The following IMPA2 variants were observed in gnomAD, a reference collection of about 807,000 sequenced individuals.
IMPA2 encodes IMP 2.
A neutral mutation model predicts 35.1 loss-of-function variants in IMPA2; 32 were observed. The observed-to-expected ratio is 0.91, with a 90% CI of 0.69 to 1.23. The LOEUF (loss-of-function observed/expected upper bound fraction) is 1.23, where lower values mean the gene tolerates loss of function less well. Ranked by LOEUF, IMPA2 falls within the 50% of genes most tolerant of loss-of-function variation. The probability of loss-of-function intolerance (pLI) is 0.00; values close to 1 mark genes in which losing one functional copy is unlikely to be tolerated. For synonymous variants in IMPA2, 135 were observed against 160.6 expected (o/e 0.84, Z 1.20); for missense variants, 334 against 387.6 (o/e 0.86, Z 1.16).
At chr18:11,990,358 A>AGGT in intron 1 of IMPA2, among the ~76,000 whole-genome samples, 1 of 151,622 alleles carries the variant, frequency 6.6e-6, no homozygotes, top group East Asian at 2.0e-4. Flanking sequence ...TGTCTTTAGA[A>AGGT]AAAAAGCAGG....
intron 2 of IMPA2, among the ~76,000 whole-genome samples, chr18:12,006,277 A>G (rs1907245163): frequency 6.6e-6 from 1 of 152,112 alleles, no homozygotes; most frequent in African/African-American, 2.4e-5. Context: ...GCTTCTACCC[A>G]CCATTTTTCC....
intron 1 of IMPA2, among the ~76,000 whole-genome samples, chr18:11,992,395 C>T (rs1906842148): frequency 6.6e-6 from 1 of 152,202 alleles, no homozygotes; most frequent in Non-Finnish European, 1.5e-5. Flanking sequence ...GGCCTGGGTT[C>T]CAGAGCACAT....
In IMPA2 at chr18:12,016,408, A is replaced by G. The variant is rs576736131; in HGVS notation, c.490+2035A>G. 7.4e-5 allele frequency among the ~76,000 whole-genome samples: 11 copies of G among 148,882 alleles called. No homozygotes were observed. In the South Asian group the frequency reaches 1.9e-3, roughly 26 times the overall value. On this transcript the variant is annotated intron_variant, in intron 5 of 7. Coordinates refer to ENST00000269159, the MANE Select transcript of IMPA2 (RefSeq NM_014214.3). ...CTTGGCACCATGCAGACCCAATTTC[A>G]GATCCTGATTCTGCCGCTTTTTTTT...
chr18:11,981,625 T>C lies in IMPA2; in HGVS notation c.-45T>C. ...CGGCGGGATCCGGTGGGAGCCGGAG[T>C]CCCGCCGAGGGGGGCTGGAGGTGGA... On this transcript the variant is annotated 5_prime_UTR_variant, in exon 1 of 8. Coordinates refer to ENST00000269159, the MANE Select transcript of IMPA2 (RefSeq NM_014214.3). The C allele has an allele frequency of 8.4e-7, 1 of 1,184,146 alleles. No homozygotes were observed. Among genetic ancestry groups the C allele is most frequent in the East Asian group, 3.3e-5 (1 of 30,564 alleles). 73.4% of individuals were successfully genotyped at this position (1,184,146 alleles called of 1,614,324 possible).
chr18:12,020,810 G>A (rs1447027156), intron 5 of IMPA2, among the ~76,000 whole-genome samples: 2 of 151,960 alleles, frequency 1.3e-5, no homozygotes, highest in Non-Finnish European at 2.9e-5. Context: ...TTTGGATTAT[G>A]CTCTTTTTTC....
At chr18:12,005,969 C>A (rs750071013) in intron 2 of IMPA2, among the ~76,000 whole-genome samples, 1 of 152,304 alleles carries the variant, frequency 6.6e-6, no homozygotes, top group African/African-American at 2.4e-5. Flanking sequence ...CATATCTGTT[C>A]GCTGCTTTGT....
At chr18:11,985,913 T>TGG (rs987166623) in intron 1 of IMPA2, among the ~76,000 whole-genome samples, 7 of 152,350 alleles carry the variant, frequency 4.6e-5, no homozygotes, top group African/African-American at 1.7e-4. Flanking sequence ...AAGGACAGTT[T>TGG]AAGTGGAAAG....
intron 5 of IMPA2, chr18:12,018,374 T>C (rs1907639661): frequency 6.6e-6 from 1 of 152,382 alleles, no homozygotes; most frequent in Admixed American, 6.5e-5. Flanking sequence ...CTCATTGGGA[T>C]AGCACCCAGC....
At chr18:12,019,420 ATTT>A (rs1023606644) in intron 5 of IMPA2, among the ~76,000 whole-genome samples, 2 of 133,100 alleles carry the variant, frequency 1.5e-5, no homozygotes, top group East Asian at 2.2e-4. Context: ...TGTCCGGCTA[ATTT>A]TTTTTTTTTT....
chr18:12,025,768 C>T (rs1435127191), intron 5 of IMPA2, among the ~76,000 whole-genome samples: 2 of 151,998 alleles, frequency 1.3e-5, no homozygotes, highest in Non-Finnish European at 2.9e-5. Context: ...TTAATAGAGA[C>T]GGGGTTTCAC....
At chr18:12,012,426 C>T in intron 4 of IMPA2, 1 of 578,446 alleles carries the variant, frequency 1.7e-6, no homozygotes. Flanking sequence ...GTGGCTGGCC[C>T]TTGTCCCCCG....
chr18:11,981,632 G>A lies in IMPA2; in HGVS notation c.-38G>A, dbSNP rs981593291. The A allele has an allele frequency of 3.3e-6, 4 of 1,212,738 alleles. No individual in the cohort carries two copies. Among genetic ancestry groups the A allele is most frequent in the Non-Finnish European group, 4.1e-6 (4 of 971,750 alleles). The allele number at this position is 1,212,738 out of a possible 1,614,324, so 75.1% of individuals were successfully genotyped here. ...ATCCGGTGGGAGCCGGAGTCCCGCCGAGGGGGGCTGGAGGTGGAGGGGCCC... is the reference window on the plus strand; with the variant it reads ...ATCCGGTGGGAGCCGGAGTCCCGCCAAGGGGGGCTGGAGGTGGAGGGGCCC... On this transcript the variant is annotated 5_prime_UTR_variant, in exon 1 of 8. Transcript: ENST00000269159.
intron 5 of IMPA2, among the ~76,000 whole-genome samples, chr18:12,025,906 T>C (rs1178958677): frequency 6.6e-6 from 1 of 152,250 alleles, no homozygotes; most frequent in South Asian, 2.1e-4. Context: ...TGAGGACATA[T>C]GATGTGGAGC....
Position 12,014,384 on chromosome 18 carries a change from C to A in IMPA2, c.490+11C>A. On this transcript the variant is annotated intron_variant, in intron 5 of 7. Coordinates refer to ENST00000269159, the MANE Select transcript of IMPA2 (RefSeq NM_014214.3). ...TCTCCGGGGAGACAGGTGGGCTTCACAACGCTCGTCTCAGTTTACTTCTGA... is the reference window on the plus strand; with the variant it reads ...TCTCCGGGGAGACAGGTGGGCTTCAAAACGCTCGTCTCAGTTTACTTCTGA... The A allele has an allele frequency of 1.3e-6, 2 of 1,501,334 alleles. No homozygotes were observed. Among genetic ancestry groups the A allele is most frequent in the Non-Finnish European group, 1.8e-6 (2 of 1,099,942 alleles). 93.0% of individuals were successfully genotyped at this position (1,501,334 alleles called of 1,614,324 possible).
intron 2 of IMPA2, among the ~76,000 whole-genome samples, chr18:12,005,648 C>T (rs1907227657): frequency 6.6e-6 from 1 of 152,208 alleles, no homozygotes; most frequent in Admixed American, 6.5e-5. Context: ...TTGGTGACTT[C>T]CCTAAAGGGT....
Position 12,010,058 on chromosome 18 carries a change from A to C in IMPA2, c.335+71A>C, listed in dbSNP as rs1487828859. 1 of 1,201,606 alleles carries C rather than the reference A, an allele frequency of 8.3e-7. No individual in the cohort carries two copies. The highest frequency in any genetic ancestry group is 1.5e-5 in the African/African-American group (1 of 66,990). The allele number at this position is 1,201,606 out of a possible 1,614,324, so 74.4% of individuals were successfully genotyped here. On this transcript the variant is annotated intron_variant, in intron 3 of 7. Transcript: ENST00000269159. The surrounding 1 kb of genome is among the most constrained non-coding windows in gnomAD (Gnocchi z 4.8). ...TCTTCTGTGAGGTTTTGTCTTTTCA[A>C]AAGCAGCATTTTTTAAGGCAGGAAT... is the stretch of plus-strand genomic sequence containing the variant.
At chr18:12,004,863 A>C (rs569531913) in intron 2 of IMPA2, among the ~76,000 whole-genome samples, 6 of 152,158 alleles carry the variant, frequency 3.9e-5, no homozygotes, top group Non-Finnish European at 8.8e-5. Flanking sequence ...AGTGGCTTTT[A>C]GGAAGGTCTT....
chr18:11,989,019 G>T (rs62099888), intron 1 of IMPA2, among the ~76,000 whole-genome samples: 9,088 of 152,114 alleles, frequency 0.06, 362 homozygotes, highest in Non-Finnish European at 0.088. Flanking sequence ...GTACAGACGG[G>T]GTTTCACTAA....
chr18:12,028,751 G>T lies in IMPA2; in HGVS notation c.600-91G>T, dbSNP rs2143829732. ...TGCTTCATTTTTCACTAGGGAAAAT[G>T]CCCAGCCGGGGTACCTGGCTGAAGT... On this transcript the variant is annotated intron_variant, in intron 6 of 7. Coordinates refer to ENST00000269159, the MANE Select transcript of IMPA2 (RefSeq NM_014214.3). 6 of 1,408,178 alleles carry T rather than the reference G, an allele frequency of 4.3e-6. No homozygotes were observed. The East Asian group carries it at 9.4e-5, about 22-fold the overall frequency. 87.2% of individuals were successfully genotyped at this position (1,408,178 alleles called of 1,614,324 possible).
Sources: allele counts gnomAD v4.1 joint callset (sites outside exome capture counted in the v4.1 genomes callset), GRCh38; gene constraint gnomAD v4.1.1; non-coding constraint Gnocchi (gnomAD v3.1); transcripts MANE v1.5; gene names NCBI Gene and HGNC (gene_info 2026-07-23, HGNC 2026-07-21).